Variants in FAM171A1 observed in about 807,000 individuals in gnomAD.
FAM171A1 encodes the protein protein FAM171A1.
A neutral mutation model predicts 74.9 loss-of-function variants in FAM171A1; 23 were observed. The ratio of observed to expected loss-of-function variants is 0.31; its 90% CI spans 0.22 to 0.44. FAM171A1 has a LOEUF of 0.44. FAM171A1 is among the 20% of genes least tolerant of loss of function. The probability of loss-of-function intolerance (pLI) is 1.00; values close to 1 mark genes in which losing one functional copy is unlikely to be tolerated. For missense variants in FAM171A1, 1,162 were observed against 1,159.2 expected, an observed-to-expected ratio of 1.00 and a Z score of -0.03; for synonymous variants, 527 against 505.7, an observed-to-expected ratio of 1.04 and a Z score of -0.57.
chr10:15,324,742 A>G (rs908389408), intron 1 of FAM171A1, among the ~76,000 whole-genome samples: 3 of 152,150 alleles, frequency 2.0e-5, no homozygotes, highest in Non-Finnish European at 2.9e-5. Context: ...GGGGGAAAAA[A>G]AAAAGTCCAC....
intron 1 of FAM171A1, among the ~76,000 whole-genome samples, chr10:15,326,226 C>T (rs1053888476): frequency 6.6e-6 from 1 of 152,108 alleles, no homozygotes; most frequent in African/African-American, 2.4e-5. Flanking sequence ...ACTCATAGAT[C>T]GTTTGGTGAA....
intron 1 of FAM171A1, among the ~76,000 whole-genome samples, chr10:15,290,719 TGAG>T (rs1381716216): frequency 6.6e-6 from 1 of 152,078 alleles, no homozygotes; most frequent in Non-Finnish European, 1.5e-5. Flanking sequence ...GAGGCCTTCT[TGAG>T]GAGGTGTCAT....
At chr10:15,305,529 G>T (rs529986938) in intron 1 of FAM171A1, among the ~76,000 whole-genome samples, 1 of 152,030 alleles carries the variant, frequency 6.6e-6, no homozygotes, top group South Asian at 2.1e-4. Context: ...TTAGCCTGGT[G>T]TGGTGTGCAT....
chr10:15,268,581 G>A (rs145742565), intron 3 of FAM171A1, among the ~76,000 whole-genome samples: 5 of 152,104 alleles, frequency 3.3e-5, no homozygotes, highest in East Asian at 1.9e-4. Flanking sequence ...AAGCAGAGGC[G>A]TCATCCAAGG....
At chr10:15,352,266 T>C (rs193158855) in intron 1 of FAM171A1, among the ~76,000 whole-genome samples, 2 of 151,790 alleles carry the variant, frequency 1.3e-5, no homozygotes, top group East Asian at 1.9e-4. Context: ...TAAATTAAAA[T>C]AAAAATTAAA....
At chr10:15,308,393 T>C (rs960864006) in intron 1 of FAM171A1, among the ~76,000 whole-genome samples, 1 of 152,210 alleles carries the variant, frequency 6.6e-6, no homozygotes, top group Non-Finnish European at 1.5e-5. Flanking sequence ...CTGCTAACAC[T>C]GAGTTTTCAA....
chr10:15,349,643 C>G (rs917946703), intron 1 of FAM171A1, among the ~76,000 whole-genome samples: 3 of 152,152 alleles, frequency 2.0e-5, no homozygotes, highest in Non-Finnish European at 4.4e-5. Flanking sequence ...ATCAGCTTCC[C>G]TATCCTGAAC....
intron 5 of FAM171A1, among the ~76,000 whole-genome samples, chr10:15,246,455 T>C (rs1834436296): frequency 6.6e-6 from 1 of 152,232 alleles, no homozygotes; most frequent in Admixed American, 6.5e-5. Context: ...TATACTGATA[T>C]CAAAAATCTC....
chr10:15,362,515 G>T (rs1202447941), intron 1 of FAM171A1, among the ~76,000 whole-genome samples: 1 of 152,204 alleles, frequency 6.6e-6, no homozygotes, highest in Non-Finnish European at 1.5e-5. Context: ...AGACCAGGCT[G>T]GCCCGTCTCT....
At chr10:15,226,416 A>G (rs2131722541) in intron 5 of FAM171A1, among the ~76,000 whole-genome samples, 1 of 152,182 alleles carries the variant, frequency 6.6e-6, no homozygotes, top group South Asian at 2.1e-4. Flanking sequence ...AAGCATTTGA[A>G]CCCCCTCTTT....
intron 1 of FAM171A1, among the ~76,000 whole-genome samples, chr10:15,367,202 AC>A (rs1171413419): frequency 2.8e-5 from 4 of 140,478 alleles, no homozygotes; most frequent in African/African-American, 1.2e-4. Flanking sequence ...CCATCTCAAA[AC>A]AAACAAACAA....
chr10:15,265,912 C>T (rs989712107), intron 3 of FAM171A1, among the ~76,000 whole-genome samples: 8 of 152,038 alleles, frequency 5.3e-5, no homozygotes, highest in Admixed American at 1.3e-4. Context: ...CTGATAAGGA[C>T]GTGAGGGACA....
rs568588492 is a variant in FAM171A1 at position 15,250,230 on chromosome 10, G to A, written c.578-1415C>T. On this transcript the variant is annotated intron_variant, in intron 4 of 7. Transcript: ENST00000378116. ...TGTGGGAATGGAGATTTCGTGGAAA[G>A]ATCGAAGTTGGAATCACAGATCCAA... 5.3e-5 allele frequency among the ~76,000 whole-genome samples: 8 copies of A among 152,296 alleles called. No individual in the cohort carries two copies. In the South Asian group the frequency reaches 1.0e-3, roughly 20 times the overall value.
chr10:15,228,294 T>C (rs1182009927), intron 5 of FAM171A1, among the ~76,000 whole-genome samples: 1 of 151,996 alleles, frequency 6.6e-6, no homozygotes, highest in African/African-American at 2.4e-5. Context: ...AAATCTCTTT[T>C]TGAGAAAGAG....
At position 15,248,516 on chromosome 10, in the gene FAM171A1, C is replaced by T. The variant is rs148195526; in HGVS notation, c.754+123G>A. 632 of 1,013,440 alleles carry T rather than the reference C, an allele frequency of 6.2e-4. 5 individuals carry two copies. In the African/African-American group the frequency reaches 9.5e-3, roughly 15 times the overall value. 62.8% of individuals were successfully genotyped at this position (1,013,440 alleles called of 1,614,324 possible). ...CGTCCCCATGAGAAACCACACAATGCAATGTGAGCAGCAGCATTCACTGAC... is the reference window on the plus strand; with the variant it reads ...CGTCCCCATGAGAAACCACACAATGTAATGTGAGCAGCAGCATTCACTGAC... On this transcript the variant is annotated intron_variant, in intron 5 of 7. Coordinates refer to ENST00000378116, the MANE Select transcript of FAM171A1 (RefSeq NM_001010924.2).
intron 1 of FAM171A1, among the ~76,000 whole-genome samples, chr10:15,328,736 A>T (rs1182993004): frequency 6.6e-6 from 1 of 151,964 alleles, no homozygotes; most frequent in Non-Finnish European, 1.5e-5. Context: ...GGATCTGGCA[A>T]CCTCATGTTC....
intron 1 of FAM171A1, among the ~76,000 whole-genome samples, chr10:15,345,811 G>A (rs1380755019): frequency 6.6e-6 from 1 of 152,146 alleles, no homozygotes; most frequent in Non-Finnish European, 1.5e-5. Context: ...GACTACGAAA[G>A]GACAGATCAG....
upstream of FAM171A1, among the ~76,000 whole-genome samples, chr10:15,371,380 C>T (rs1429773602): frequency 6.8e-6 from 1 of 146,958 alleles, no homozygotes; most frequent in Non-Finnish European, 1.5e-5. Flanking sequence ...GCGCCGAGGG[C>T]GCCCCCGCCC....
chr10:15,226,241 C>G (rs1048628876), intron 5 of FAM171A1, among the ~76,000 whole-genome samples: 1 of 152,226 alleles, frequency 6.6e-6, no homozygotes, highest in African/African-American at 2.4e-5. Context: ...TAGGAGGTGG[C>G]TGGACAATGA....
Sources: allele counts gnomAD v4.1 joint callset (sites outside exome capture counted in the v4.1 genomes callset), GRCh38; gene constraint gnomAD v4.1.1; transcripts MANE v1.5; gene names NCBI Gene and HGNC (gene_info 2026-07-23, HGNC 2026-07-21).